Variants in CLINT1 observed in about 807,000 individuals in gnomAD.
CLINT1 encodes clathrin interacting protein localized in the trans-Golgi region.
In CLINT1, 15 loss-of-function variants were observed where a neutral mutation model predicts 70.4. That is an observed-to-expected ratio of 0.21 (90% confidence interval 0.14 to 0.33). The LOEUF (loss-of-function observed/expected upper bound fraction) is 0.33, where lower values mean the gene tolerates loss of function less well. Among genes scored for constraint, CLINT1 ranks in the 10% least tolerant of loss-of-function variants. CLINT1 has a pLI of 1.00. For missense variants in CLINT1, 615 were observed against 778.1 expected (o/e 0.79, Z 2.49); for synonymous variants, 227 against 254.7 (o/e 0.89, Z 1.04).
intron 1 of CLINT1, among the ~76,000 whole-genome samples, chr5:157,844,634 TA>T (rs1198543540): frequency 6.6e-6 from 1 of 152,188 alleles, no homozygotes; most frequent in Non-Finnish European, 1.5e-5. Flanking sequence ...CATAAGCGAT[TA>T]AAGAACATTA....
chr5:157,840,099 G>A (rs1446707719), intron 1 of CLINT1, among the ~76,000 whole-genome samples: 1 of 149,646 alleles, frequency 6.7e-6, no homozygotes, highest in East Asian at 2.0e-4. Context: ...GGAGGTTAAG[G>A]CAGGAGAATA....
intron 1 of CLINT1, among the ~76,000 whole-genome samples, chr5:157,830,667 G>C (rs1394933815): frequency 6.6e-6 from 1 of 150,850 alleles, no homozygotes. Context: ...CTTGAGCCCA[G>C]GTGTTCAAGA....
intron 3 of CLINT1, among the ~76,000 whole-genome samples, chr5:157,816,104 A>G (rs2113214838): frequency 6.6e-6 from 1 of 152,294 alleles, no homozygotes; most frequent in Admixed American, 6.5e-5. Flanking sequence ...AAGAAATAAC[A>G]ACAAAAAAAA....
At chr5:157,845,891 A>C (rs1753360824) in intron 1 of CLINT1, among the ~76,000 whole-genome samples, 1 of 151,956 alleles carries the variant, frequency 6.6e-6, no homozygotes, top group African/African-American at 2.4e-5. Context: ...CAACTTTTTC[A>C]TTATTCTTTC....
chr5:157,814,801 G>A (rs907021969), intron 3 of CLINT1, among the ~76,000 whole-genome samples: 3 of 152,078 alleles, frequency 2.0e-5, no homozygotes, highest in African/African-American at 4.8e-5. Context: ...GGGAGGCCGA[G>A]GTGGGCGGAT....
rs1290174632 is a variant in CLINT1, at chr5:157,788,866, G to T, written c.1531+497C>A. ...GCCTGTAGTCCCAGCTACTCGGAAG[G>T]CTGAGGCAAGGAATTGCTTAAAACT... On this transcript the variant is annotated intron_variant, in intron 11 of 11. Coordinates refer to ENST00000411809, the MANE Select transcript of CLINT1 (RefSeq NM_014666.4). Among the ~76,000 whole-genome samples the T allele has an allele frequency of 2.6e-5, 4 of 151,608 alleles. No individual in the cohort carries two copies. In the East Asian group the frequency reaches 5.8e-4, roughly 22 times the overall value.
chr5:157,789,642 C>A, intron 10 of CLINT1, 129 bp from the exon 11 acceptor site: 1 of 1,201,120 alleles, frequency 8.3e-7, no homozygotes, highest in Non-Finnish European at 1.2e-6. Flanking sequence ...TTAATCACAA[C>A]AATGAACTTC....
At chr5:157,857,887 A>G (rs1159848426) in intron 1 of CLINT1, among the ~76,000 whole-genome samples, 1 of 152,220 alleles carries the variant, frequency 6.6e-6, no homozygotes, top group Non-Finnish European at 1.5e-5. Context: ...TTTGCTATCT[A>G]TACTTCCTGA....
chr5:157,821,009 A>C (rs1402874124), intron 1 of CLINT1, among the ~76,000 whole-genome samples: 2 of 152,194 alleles, frequency 1.3e-5, no homozygotes, highest in Non-Finnish European at 2.9e-5. Context: ...ACTTTCACCA[A>C]TCCTAAATTG....
chr5:157,812,119 A>G (rs1230714851), intron 5 of CLINT1, among the ~76,000 whole-genome samples: 1 of 152,068 alleles, frequency 6.6e-6, no homozygotes, highest in African/African-American at 2.4e-5. Flanking sequence ...ACAGCTAACT[A>G]AACGCAGTGT....
intron 6 of CLINT1, among the ~76,000 whole-genome samples, chr5:157,808,295 TA>T (rs1454061927): frequency 6.6e-6 from 1 of 152,110 alleles, no homozygotes; most frequent in East Asian, 1.9e-4. Context: ...AAAAATACAC[TA>T]ATTAGATTGT....
chr5:157,798,848 A>G (rs1762136228), intron 8 of CLINT1, among the ~76,000 whole-genome samples: 1 of 152,276 alleles, frequency 6.6e-6, no homozygotes, highest in African/African-American at 2.4e-5. Context: ...AAAACAAGGG[A>G]TTAACTGGCT....
Position 157,832,463 on chromosome 5 carries a change from C to T in CLINT1, c.42-14916G>A, listed in dbSNP as rs183377855. On this transcript the variant is annotated intron_variant, in intron 1 of 11. Coordinates refer to ENST00000411809, the MANE Select transcript of CLINT1 (RefSeq NM_014666.4). Reference sequence around the variant, plus strand: ...GATATTTGATACCATCTTTGGGGAACTATTTGTTTGGTGTCTACTTCCCAT... The same window carrying T: ...GATATTTGATACCATCTTTGGGGAATTATTTGTTTGGTGTCTACTTCCCAT... Among the ~76,000 whole-genome samples the T allele has an allele frequency of 2.0e-5, 3 of 152,236 alleles. No individual in the cohort carries two copies. In the South Asian group the frequency reaches 6.2e-4, roughly 32 times the overall value.
At chr5:157,850,468 G>A (rs1386510430) in intron 1 of CLINT1, among the ~76,000 whole-genome samples, 2 of 151,634 alleles carry the variant, frequency 1.3e-5, no homozygotes, top group East Asian at 1.9e-4. Context: ...AAAATTAGCC[G>A]GGCATGGTGG....
intron 1 of CLINT1, among the ~76,000 whole-genome samples, chr5:157,849,048 T>C (rs1275818312): frequency 6.6e-6 from 1 of 152,206 alleles, no homozygotes; most frequent in Non-Finnish European, 1.5e-5. Flanking sequence ...TTTGCCCACT[T>C]TGGCCTCCCA....
chr5:157,847,546 T>C (rs1403164027), intron 1 of CLINT1, among the ~76,000 whole-genome samples: 2 of 151,784 alleles, frequency 1.3e-5, no homozygotes, highest in East Asian at 3.9e-4. Flanking sequence ...GGTAAAAATA[T>C]CAACATTTAC....
chr5:157,830,387 C>A (rs553928495), intron 1 of CLINT1, among the ~76,000 whole-genome samples: 10 of 152,042 alleles, frequency 6.6e-5, no homozygotes, highest in Non-Finnish European at 1.2e-4. Context: ...TTTTAATATT[C>A]TTGTTAGGTA....
At position 157,789,461 on chromosome 5, in the gene CLINT1, G is replaced by A. The variant is rs1409496399; in HGVS notation, c.1433C>T (p.Ser478Phe). Residue 478 changes from serine to phenylalanine, a missense_variant, in exon 11 of 12, where the codon TCT becomes TTT. Physicochemically the swap from Ser to Phe is radical, Grantham distance 155. Transcript: ENST00000411809. ...TAGGCTGATGTTTACACTGGGGTCAGACCAAGTAGAGGGCAAGGTTTTGCT... is the reference window on the plus strand; with the variant it reads ...TAGGCTGATGTTTACACTGGGGTCAAACCAAGTAGAGGGCAAGGTTTTGCT... ...SVSKTLPSTW[S>F]DPSVNISLDN... 1.4e-5 allele frequency: 22 copies of A among 1,613,828 alleles called. No individual in the cohort carries two copies. Among genetic ancestry groups the A allele is most frequent in the Non-Finnish European group, 1.8e-5 (21 of 1,179,864 alleles).
Position 157,829,654 on chromosome 5 carries a change from C to T in CLINT1, c.42-12107G>A, listed in dbSNP as rs539634772. 8.7e-5 allele frequency among the ~76,000 whole-genome samples: 13 copies of T among 149,982 alleles called. 1 individual carries two copies. The East Asian group carries it at 2.6e-3, about 30-fold the overall frequency. Reference sequence around the variant, plus strand: ...TTCTGCCACCTCAGCCTCCCAGGTACCTGGGACTATAGGTGCACGCCACCA... The same window carrying T: ...TTCTGCCACCTCAGCCTCCCAGGTATCTGGGACTATAGGTGCACGCCACCA... On this transcript the variant is annotated intron_variant, in intron 1 of 11. Transcript: ENST00000411809.
Sources: allele counts gnomAD v4.1 joint callset (sites outside exome capture counted in the v4.1 genomes callset), GRCh38; gene constraint gnomAD v4.1.1; transcripts MANE v1.5; gene names NCBI Gene and HGNC (gene_info 2026-07-23, HGNC 2026-07-21).